The following MINDY4 variants were observed in gnomAD, a reference collection of about 807,000 sequenced individuals.
The protein encoded by MINDY4 is MINDY lysine 48 deubiquitinase 4.
In MINDY4, 68 loss-of-function variants were observed where a neutral mutation model predicts 87.0. The observed-to-expected ratio is 0.78, with a 90% CI of 0.64 to 0.96. The LOEUF (loss-of-function observed/expected upper bound fraction) is 0.96, where lower values mean the gene tolerates loss of function less well. Among genes scored for constraint, MINDY4 ranks in the 40% least tolerant of loss-of-function variants. The probability of loss-of-function intolerance (pLI) is 0.00; values close to 1 mark genes in which losing one functional copy is unlikely to be tolerated. For missense variants in MINDY4, 919 were observed against 928.2 expected (o/e 0.99, Z 0.13); for synonymous variants, 379 against 363.2 (o/e 1.04, Z -0.50).
intron 13 of MINDY4, among the ~76,000 whole-genome samples, chr7:30,861,911 G>A (rs1235601195): frequency 1.3e-5 from 2 of 152,244 alleles, no homozygotes; most frequent in Non-Finnish European, 2.9e-5. Flanking sequence ...CAGAGCAACC[G>A]AGAGCATCTT....
chr7:30,779,024 C>T (rs1340296948), intron 2 of MINDY4, among the ~76,000 whole-genome samples: 1 of 152,116 alleles, frequency 6.6e-6, no homozygotes, highest in Non-Finnish European at 1.5e-5. Flanking sequence ...GTTCAGCTAA[C>T]CCAGGTGCAT....
At chr7:30,841,891 G>A (rs1789050503) in intron 9 of MINDY4, among the ~76,000 whole-genome samples, 1 of 152,132 alleles carries the variant, frequency 6.6e-6, no homozygotes. Flanking sequence ...AAAGGTACTT[G>A]TTCTTTGAAA....
intron 17 of MINDY4, among the ~76,000 whole-genome samples, chr7:30,887,492 G>T (rs1332730955): frequency 6.6e-6 from 1 of 152,260 alleles, no homozygotes; most frequent in African/African-American, 2.4e-5. Context: ...ATGCGTTGGG[G>T]AGGAGGAGGA....
chr7:30,886,889 A>T (rs1428961573), intron 17 of MINDY4, among the ~76,000 whole-genome samples: 1 of 152,030 alleles, frequency 6.6e-6, no homozygotes, highest in African/African-American at 2.4e-5. Context: ...AAACAGGCTA[A>T]TTTATTATGG....
intron 1 of MINDY4, among the ~76,000 whole-genome samples, chr7:30,774,299 G>C (rs142542679): frequency 6.6e-6 from 1 of 152,190 alleles, no homozygotes. Flanking sequence ...CATTCACTCT[G>C]CTCTCTTTAG....
intron 5 of MINDY4, among the ~76,000 whole-genome samples, chr7:30,817,970 A>G (rs1170511862): frequency 1.3e-5 from 2 of 152,030 alleles, no homozygotes; most frequent in Non-Finnish European, 2.9e-5. Context: ...GCCCTCTAGT[A>G]TGTATATCAC....
At chr7:30,882,457 A>G (rs1227777302) in intron 16 of MINDY4, 96 bp downstream of exon 16, 17 of 1,016,728 alleles carry the variant, frequency 1.7e-5, no homozygotes, top group Admixed American at 7.4e-5. Context: ...ACCAACCCCC[A>G]TGACAGAGAG....
At chr7:30,850,735 G>A (rs1014921345) in intron 10 of MINDY4, among the ~76,000 whole-genome samples, 180 bp downstream of exon 10, 1 of 152,212 alleles carries the variant, frequency 6.6e-6, no homozygotes, top group Admixed American at 6.5e-5. Context: ...GAGAGCCCTG[G>A]CCTTCCATGC....
intron 5 of MINDY4, among the ~76,000 whole-genome samples, chr7:30,797,403 A>G (rs1787521713): frequency 6.6e-6 from 1 of 152,232 alleles, no homozygotes; most frequent in African/African-American, 2.4e-5. Context: ...GCTATTTTAT[A>G]AAGAGGTAGC....
In MINDY4 at chr7:30,794,120, A is replaced by T. The variant is rs556709611; in HGVS notation, c.1073+2546A>T. Among the ~76,000 whole-genome samples, 64 of 151,908 alleles carry T rather than the reference A, an allele frequency of 4.2e-4. No homozygotes were observed. The South Asian group carries it at 0.012, about 28-fold the overall frequency. On this transcript the variant is annotated intron_variant, in intron 5 of 17. Transcript: ENST00000265299. ...CTTTGTGTAGTGCACATACTACACAACTCTACACAGTGCTCTTGATTTGAA... is the reference window on the plus strand; with the variant it reads ...CTTTGTGTAGTGCACATACTACACATCTCTACACAGTGCTCTTGATTTGAA...
At chr7:30,864,687 G>A (rs529313054) in intron 13 of MINDY4, among the ~76,000 whole-genome samples, 52 of 152,354 alleles carry the variant, frequency 3.4e-4, no homozygotes, top group Non-Finnish European at 6.9e-4. Context: ...TATGGACATG[G>A]GGTATCCCCA....
At chr7:30,799,930 C>T (rs1787597637) in intron 5 of MINDY4, among the ~76,000 whole-genome samples, 1 of 152,160 alleles carries the variant, frequency 6.6e-6, no homozygotes. Flanking sequence ...TGAATTGACT[C>T]AGAGTTAGTC....
chr7:30,848,298 T>G (rs571981646), intron 9 of MINDY4, among the ~76,000 whole-genome samples: 1 of 152,008 alleles, frequency 6.6e-6, no homozygotes, highest in Non-Finnish European at 1.5e-5. Flanking sequence ...TGTGCAATGG[T>G]GATTGGACGG....
At chr7:30,853,070 G>A (rs990190095) in intron 11 of MINDY4, among the ~76,000 whole-genome samples, 2 of 152,154 alleles carry the variant, frequency 1.3e-5, no homozygotes, top group African/African-American at 4.8e-5. Flanking sequence ...CCTGCCAGCC[G>A]CCTCTCTGAT....
At chr7:30,786,130 T>A in intron 4 of MINDY4, 138 bp downstream of exon 4, 1 of 1,178,030 alleles carries the variant, frequency 8.5e-7, no homozygotes, top group Non-Finnish European at 1.2e-6. Flanking sequence ...GGAAGAACAG[T>A]GCCTCTGTTT....
chr7:30,775,900 T>C (rs1057337218), intron 1 of MINDY4, among the ~76,000 whole-genome samples: 1 of 152,242 alleles, frequency 6.6e-6, no homozygotes, highest in East Asian at 1.9e-4. Context: ...TCTGTCCTTC[T>C]AGTTGCCTGG....
intron 13 of MINDY4, among the ~76,000 whole-genome samples, chr7:30,869,759 A>G (rs918175816): frequency 6.6e-6 from 1 of 152,174 alleles, no homozygotes; most frequent in Non-Finnish European, 1.5e-5. Flanking sequence ...ACTTCAACAT[A>G]TGAATTTTAA....
At chr7:30,774,043 A>G (rs932838191) in intron 1 of MINDY4, among the ~76,000 whole-genome samples, 6 of 152,080 alleles carry the variant, frequency 3.9e-5, no homozygotes, top group African/African-American at 1.4e-4. Context: ...AACACACACC[A>G]CTATGTTGAT....
At chr7:30,818,426 T>C (rs1308671581) in intron 5 of MINDY4, among the ~76,000 whole-genome samples, 7 of 152,240 alleles carry the variant, frequency 4.6e-5, no homozygotes, top group African/African-American at 1.2e-4. Context: ...TTTCTGTATG[T>C]AGGGTGCTAT....
Sources: gnomAD v4.1 joint callset for allele counts (sites outside exome capture counted in the v4.1 genomes callset) on GRCh38, gnomAD v4.1.1 for gene constraint, MANE v1.5 for transcripts, NCBI Gene and HGNC (gene_info 2026-07-23, HGNC 2026-07-21) for gene names.